Variants in NBAS observed in about 807,000 individuals in gnomAD.
NBAS encodes NAG/BC035112 fusion.
In NBAS, 219 loss-of-function variants were observed where a neutral mutation model predicts 302.5. The ratio of observed to expected loss-of-function variants is 0.72; its 90% CI spans 0.65 to 0.81. The LOEUF is 0.81. NBAS is among the 30% of genes least tolerant of loss of function. The pLI is 0.00. For synonymous variants in NBAS, 1,118 were observed against 1,021.6 expected (o/e 1.09, Z -1.80); for missense variants, 2,932 against 2,841.6 (o/e 1.03, Z -0.72).
rs115013329 is a variant in NBAS, at chr2:15,458,840, A to T, written c.2339+2361T>A. ...TTTCTTGAGAACAAAGGTTAATTTT[A>T]AAAAAACTCTATTTTTTCCAAATGT... is the stretch of plus-strand genomic sequence containing the variant. On this transcript the variant is annotated intron_variant, in intron 21 of 51. Transcript: ENST00000281513. 6.3e-3 allele frequency among the ~76,000 whole-genome samples: 934 copies of T among 149,012 alleles called. 11 individuals carry two copies. The highest frequency in any genetic ancestry group is 0.021 in the African/African-American group (833 of 40,424).
intron 38 of NBAS, among the ~76,000 whole-genome samples, chr2:15,314,681 T>C (rs1477779113): frequency 1.3e-5 from 2 of 152,182 alleles, no homozygotes; most frequent in African/African-American, 4.8e-5. Flanking sequence ...CATTAAAATT[T>C]ACCTAAGAGA....
the NBAS span, among the ~76,000 whole-genome samples, chr2:15,131,998 C>T: frequency 6.6e-6 from 1 of 152,176 alleles, no homozygotes; most frequent in East Asian, 1.9e-4. Context: ...CTACTAGGCC[C>T]CACCTTCAAC....
the NBAS span, among the ~76,000 whole-genome samples, chr2:15,012,224 C>T: frequency 2.6e-4 from 40 of 152,160 alleles, no homozygotes; most frequent in African/African-American, 8.2e-4. Flanking sequence ...TAAACGGACA[C>T]GTTTTTAAAT....
chr2:14,936,845 A>G, the NBAS span, among the ~76,000 whole-genome samples: 4 of 152,170 alleles, frequency 2.6e-5, no homozygotes, highest in Non-Finnish European at 4.4e-5. Context: ...CAACACTTTA[A>G]CCTGTCTCCA....
chr2:14,998,066 C>A, the NBAS span, among the ~76,000 whole-genome samples: 1 of 152,158 alleles, frequency 6.6e-6, no homozygotes, highest in African/African-American at 2.4e-5. Context: ...GTACATCTTA[C>A]CTTCCAGGTC....
chr2:15,069,797 A>G, the NBAS span, among the ~76,000 whole-genome samples: 1 of 152,242 alleles, frequency 6.6e-6, no homozygotes, highest in Non-Finnish European at 1.5e-5. Flanking sequence ...AAGAGCAAAG[A>G]CAGATCGATG....
intron 44 of NBAS, among the ~76,000 whole-genome samples, chr2:15,244,169 G>T (rs1237957621): frequency 6.6e-6 from 1 of 152,164 alleles, no homozygotes; most frequent in Non-Finnish European, 1.5e-5. Flanking sequence ...ACGGGCACAT[G>T]ACACTAACAG....
chr2:15,267,226 C>T (rs575661882), intron 44 of NBAS, among the ~76,000 whole-genome samples: 41 of 152,294 alleles, frequency 2.7e-4, no homozygotes, highest in African/African-American at 8.4e-4. Context: ...CTATGAGCTT[C>T]GCAAAGGCAA....
intron 44 of NBAS, among the ~76,000 whole-genome samples, chr2:15,262,772 A>G (rs905403527): frequency 5.8e-4 from 89 of 152,324 alleles, no homozygotes; most frequent in African/African-American, 1.4e-3. Flanking sequence ...CCTGGTGATC[A>G]AATGGCATCA....
the NBAS span, among the ~76,000 whole-genome samples, chr2:14,996,765 C>T: frequency 6.6e-6 from 1 of 152,098 alleles, no homozygotes; most frequent in South Asian, 2.1e-4. Flanking sequence ...AGAATCTTTC[C>T]TTAGACAAAC....
chr2:15,004,753 C>T, the NBAS span, among the ~76,000 whole-genome samples: 58 of 150,494 alleles, frequency 3.9e-4, no homozygotes, highest in Middle Eastern at 3.4e-3. Context: ...AAGCGATCCA[C>T]CCCCCCTTGG....
the NBAS span, among the ~76,000 whole-genome samples, chr2:14,956,856 A>T: frequency 1.8e-3 from 275 of 152,314 alleles, 1 homozygote; most frequent in African/African-American, 6.5e-3. Context: ...CAGCCAAACC[A>T]TATCATGGGT....
intron 37 of NBAS, 78 bp from the exon 38 acceptor site, chr2:15,327,948 G>C: frequency 1.3e-6 from 2 of 1,561,472 alleles, no homozygotes; most frequent in South Asian, 2.2e-5. Flanking sequence ...ACAATTATAG[G>C]ATGTTATGTT....
intron 8 of NBAS, among the ~76,000 whole-genome samples, chr2:15,535,563 T>A (rs1042912211): frequency 7.2e-6 from 1 of 139,408 alleles, no homozygotes. Flanking sequence ...AATAAATAAA[T>A]AAAAATAAAA....
chr2:14,863,620 AG>A, the NBAS span, among the ~76,000 whole-genome samples: 1 of 152,372 alleles, frequency 6.6e-6, no homozygotes, highest in African/African-American at 2.4e-5. Flanking sequence ...TGGTTCCTGC[AG>A]GCCATCTGGA....
chr2:15,367,508 C>G (rs542631773), intron 31 of NBAS, among the ~76,000 whole-genome samples: 1 of 152,286 alleles, frequency 6.6e-6, no homozygotes, highest in East Asian at 1.9e-4. Flanking sequence ...ACAGCAAACT[C>G]TTATTAATAG....
At chr2:14,952,188 T>C in the NBAS span, among the ~76,000 whole-genome samples, 1 of 152,150 alleles carries the variant, frequency 6.6e-6, no homozygotes, top group Non-Finnish European at 1.5e-5. Flanking sequence ...AGCAGCACCT[T>C]AGCAGAGCCA....
chr2:15,515,240 GA>G lies in NBAS; in HGVS notation c.747-3891del, dbSNP rs34918509. ...ATTTAAAAGCTCACTCTCTAAAACA[GA>G]AAAAAAAAAGGAAGAACACATGGGA... On this transcript the variant is annotated intron_variant, in intron 9 of 51. Transcript: ENST00000281513. Among the ~76,000 whole-genome samples, 8 of 149,448 alleles carry G rather than the reference GA, an allele frequency of 5.4e-5. No homozygotes were observed. In the South Asian group the frequency reaches 1.5e-3, roughly 28 times the overall value.
the NBAS span, among the ~76,000 whole-genome samples, chr2:14,801,953 T>G: frequency 2.9e-3 from 428 of 145,904 alleles, 1 homozygote; most frequent in Middle Eastern, 0.01. Context: ...TTGCGAAAAT[T>G]TTCTCCCATT....
Sources: allele counts gnomAD v4.1 joint callset (sites outside exome capture counted in the v4.1 genomes callset), GRCh38; gene constraint gnomAD v4.1.1; transcripts MANE v1.5; gene names NCBI Gene and HGNC (gene_info 2026-07-23, HGNC 2026-07-21).